Variants in EXOSC9 observed in about 807,000 individuals in gnomAD.
EXOSC9 encodes the protein exosome component 9.
A neutral mutation model predicts 56.5 loss-of-function variants in EXOSC9; 38 were observed. The observed-to-expected ratio is 0.67, with a 90% CI of 0.52 to 0.88. The LOEUF is 0.88. EXOSC9 is among the 40% of genes least tolerant of loss of function. EXOSC9 has a pLI of 0.00. For missense variants in EXOSC9, 559 were observed against 530.5 expected (o/e 1.05, Z -0.53); for synonymous variants, 170 against 170.8 (o/e 0.99, Z 0.04).
intron 4 of EXOSC9, among the ~76,000 whole-genome samples, chr4:121,803,432 G>A (rs1251348451): frequency 6.6e-6 from 1 of 152,120 alleles, no homozygotes; most frequent in Non-Finnish European, 1.5e-5. Flanking sequence ...ATTTGGATAG[G>A]TTTATCGATT....
chr4:121,816,286 T>C, intron 10 of EXOSC9, 83 bp from the exon 11 acceptor site: 4 of 807,392 alleles, frequency 5.0e-6, no homozygotes, highest in Non-Finnish European at 5.7e-6. Context: ...GAACGTCTGA[T>C]AGAAATAAAT....
chr4:121,813,379 G>A lies in EXOSC9; in HGVS notation c.973G>A (p.Val325Ile), dbSNP rs764278728. ...TGCTGAAGCAGAACCTCCTTCAGAAGTGTATCTTTATTTGGTGGTTTTTGC... is the reference window on the plus strand; with the variant it reads ...TGCTGAAGCAGAACCTCCTTCAGAAATGTATCTTTATTTGGTGGTTTTTGC... ...IIAEAEPPSE[V>I]VSTPVLWTPG... Residue 325 changes from valine to isoleucine, a missense_variant and splice_region_variant, in exon 9 of 12, where the codon GTT becomes ATT. Coordinates refer to ENST00000243498, the MANE Select transcript of EXOSC9 (RefSeq NM_005033.3). The A allele has an allele frequency of 5.6e-6, 9 of 1,611,364 alleles. No homozygotes were observed. The highest frequency in any genetic ancestry group is 1.7e-4 in the Middle Eastern group (1 of 6,044).
intron 5 of EXOSC9, among the ~76,000 whole-genome samples, chr4:121,806,311 C>T (rs934798575): frequency 5.9e-5 from 9 of 152,014 alleles, no homozygotes; most frequent in Admixed American, 4.6e-4. Context: ...TGCAACCACG[C>T]CTGGCTAATT....
chr4:121,813,784 C>G, intron 9 of EXOSC9, 82 bp from the exon 10 acceptor site: 4 of 1,044,370 alleles, frequency 3.8e-6, no homozygotes, highest in Non-Finnish European at 5.6e-6. Context: ...ATCAATCTTA[C>G]AAGAAGAAAA....
chr4:121,815,756 T>C, intron 10 of EXOSC9: 2 of 993,588 alleles, frequency 2.0e-6, no homozygotes, highest in Non-Finnish European at 2.4e-6. Flanking sequence ...ACTGGAACTA[T>C]TTCTGGAGGA....
At position 121,801,836 on chromosome 4, in the gene EXOSC9, G is replaced by A. The variant is rs1227850472; in HGVS notation, c.76G>A (p.Gly26Ser). 4 of 1,612,960 alleles carry A rather than the reference G, an allele frequency of 2.5e-6. No homozygotes were observed. The highest frequency in any genetic ancestry group is 2.2e-5 in the South Asian group (2 of 91,050). Residue 26 changes from glycine (G) to serine (S), a missense_variant, in exon 2 of 12, where the codon GGC becomes AGC. By Grantham distance (56) the Gly-to-Ser change is moderately conservative (BLOSUM62 0). Transcript: ENST00000243498. Reference sequence around the variant, plus strand: ...GAATTTGTGCTTACAGCGGCTGGATGGCAGACAAACCTATGATTATAGGAA... The same window carrying A: ...GAATTTGTGCTTACAGCGGCTGGATAGCAGACAAACCTATGATTATAGGAA... ...RAIEEKKRLDGRQTYDYRNIR... is the reference protein window; with the variant it reads ...RAIEEKKRLDSRQTYDYRNIR...
chr4:121,801,683 T>G (rs1726870472), intron 1 of EXOSC9, 144 bp from the exon 2 acceptor site: 1 of 802,760 alleles, frequency 1.2e-6, no homozygotes, highest in South Asian at 1.5e-5. Context: ...CAGTTGTCCA[T>G]GCTGTAGTTT....
chr4:121,807,557 T>C lies in EXOSC9; in HGVS notation c.540T>C (p.Arg180=). ...TGAAACAGTATACACCTGAAGAGCG[T>C]GATCCTGTACCATTAAGTATCCACC... ...DEVTLYTPEE[R]DPVPLSIHHM... is the part of the protein sequence containing the mutation. The change falls in exon 6 of 12, where the codon CGT becomes CGC. Residue 180 remains arginine, a synonymous_variant. Transcript: ENST00000243498. 1 of 1,611,260 alleles carries C rather than the reference T, an allele frequency of 6.2e-7. No individual in the cohort carries two copies. Among genetic ancestry groups the C allele is most frequent in the South Asian group, 1.1e-5 (1 of 90,994 alleles).
chr4:121,810,175 A>G, intron 7 of EXOSC9, 76 bp downstream of exon 7: 4 of 1,282,366 alleles, frequency 3.1e-6, no homozygotes, highest in Non-Finnish European at 4.5e-6. Flanking sequence ...TTTAACAAAA[A>G]TCCAATGGGG....
Position 121,801,889 on chromosome 4 carries a change from C to T in EXOSC9, c.129C>T (p.Tyr43=). Residue 43 remains tyrosine (Y), a synonymous_variant, in exon 2 of 12, where the codon TAC becomes TAT. Transcript: ENST00000243498. Reference sequence around the variant, plus strand: ...TCAGGATCTCATTTGGAACAGATTACGGATGCTGCATTGTGGAACTTGGAA... The same window carrying T: ...TCAGGATCTCATTTGGAACAGATTATGGATGCTGCATTGTGGAACTTGGAA... The part of the protein sequence containing the change: ...RNIRISFGTD[Y]GCCIVELGKT... The T allele has an allele frequency of 1.2e-6, 2 of 1,613,586 alleles. No homozygotes were observed. Among genetic ancestry groups the T allele is most frequent in the African/African-American group, 1.3e-5 (1 of 74,990 alleles).
At chr4:121,811,471 G>A in intron 7 of EXOSC9, 112 bp from the exon 8 acceptor site, 1 of 557,122 alleles carries the variant, frequency 1.8e-6, no homozygotes, top group Non-Finnish European at 3.1e-6. Context: ...ATTCATGTTT[G>A]GAAAAGTCAG....
chr4:121,810,043 CA>C lies in EXOSC9; in HGVS notation c.683del (p.His228LeufsTer13), dbSNP rs1275403751. The part of the protein sequence containing the change: ...DGLLVIAMNK[H>X]REICTIQSSG... ...CTTGCTGGTGATTGCCATGAACAAA[CA>C]TCGAGAGATTTGTACTATCCAGTCC... On this transcript the variant is annotated frameshift_variant, in exon 7 of 12. Transcript: ENST00000243498. LOFTEE classifies it high-confidence loss of function. The C allele has an allele frequency of 6.2e-7, 1 of 1,613,452 alleles. No individual in the cohort carries two copies.
Position 121,813,271 on chromosome 4 carries a change from G to T in EXOSC9, c.865G>T (p.Ala289Ser), listed in dbSNP as rs757502637. The T allele has an allele frequency of 2.2e-5, 36 of 1,613,716 alleles. No homozygotes were observed. The highest frequency in any genetic ancestry group is 2.1e-4 in the South Asian group (19 of 91,054). ...GGKFGFAESI[A>S]NQRITAFKME... ...AAAGTTTGGTTTTGCAGAGTCTATA[G>T]CAAATCAAAGGATCACAGCATTTAA... Residue 289 changes from alanine (A) to serine (S), a missense_variant, in exon 9 of 12, where the codon GCA (alanine) becomes TCA (serine). By Grantham distance (99) the Ala-to-Ser change is moderately conservative (BLOSUM62 1). Transcript: ENST00000243498.
At chr4:121,802,201 TA>T (rs1726888551) in intron 2 of EXOSC9, among the ~76,000 whole-genome samples, 1 of 152,246 alleles carries the variant, frequency 6.6e-6, no homozygotes, top group Non-Finnish European at 1.5e-5. Flanking sequence ...TTTCTCACAC[TA>T]ATATAGAGAT....
chr4:121,813,573 G>T (rs1235905301), intron 9 of EXOSC9, among the ~76,000 whole-genome samples, 193 bp downstream of exon 9: 1 of 152,148 alleles, frequency 6.6e-6, no homozygotes, highest in Non-Finnish European at 1.5e-5. Context: ...CTTCTATTCA[G>T]TTATCCTGGA....
At chr4:121,816,279 C>T (rs1476342841) in intron 10 of EXOSC9, 90 bp from the exon 11 acceptor site, 18 of 767,480 alleles carry the variant, frequency 2.3e-5, no homozygotes, top group Non-Finnish European at 2.6e-5. Flanking sequence ...GAGTTTAGAA[C>T]GTCTGATAGA....
At chr4:121,806,362 G>C (rs928227512) in intron 5 of EXOSC9, among the ~76,000 whole-genome samples, 2 of 151,998 alleles carry the variant, frequency 1.3e-5, no homozygotes, top group Non-Finnish European at 2.9e-5. Context: ...ATGTTGGTCA[G>C]GCTGGTCTTG....
intron 7 of EXOSC9, among the ~76,000 whole-genome samples, chr4:121,810,314 CCTG>C (rs1206280577): frequency 6.6e-6 from 1 of 151,834 alleles, no homozygotes; most frequent in Non-Finnish European, 1.5e-5. Flanking sequence ...CCGTGTCTGG[CCTG>C]CTGGAGTCTG....
intron 11 of EXOSC9, 135 bp from the exon 12 acceptor site, chr4:121,816,633 AATAT>A: frequency 3.3e-6 from 3 of 910,578 alleles, no homozygotes; most frequent in Non-Finnish European, 4.8e-6. Context: ...CTAAATCTAT[AATAT>A]AAACTTCTTG....
Sources: allele counts gnomAD v4.1 joint callset (sites outside exome capture counted in the v4.1 genomes callset), GRCh38; gene constraint gnomAD v4.1.1; transcripts MANE v1.5; gene names NCBI Gene and HGNC (gene_info 2026-07-23, HGNC 2026-07-21).